Variants in ANTXR1 observed in about 807,000 individuals in gnomAD.
ANTXR1 encodes anthrax toxin receptor 1.
Under a neutral mutation model 78.1 loss-of-function variants are expected in ANTXR1, and 19 were observed. The observed-to-expected ratio is 0.24, with a 90% confidence interval of 0.17 to 0.36. The LOEUF (loss-of-function observed/expected upper bound fraction) is 0.36. Among genes scored for constraint, ANTXR1 ranks in the 10% least tolerant of loss-of-function variants. ANTXR1 has a pLI of 1.00. For missense variants in ANTXR1, 518 were observed against 718.6 expected (o/e 0.72, Z 3.19); for synonymous variants, 273 against 260.5 (o/e 1.05, Z -0.46).
intron 17 of ANTXR1, among the ~76,000 whole-genome samples, chr2:69,212,264 G>A (rs1675060922): frequency 6.6e-6 from 1 of 152,208 alleles, no homozygotes; most frequent in East Asian, 1.9e-4. Flanking sequence ...AAACCAGGGA[G>A]GTGACAGTGG....
At chr2:69,090,182 C>T (rs1260873258) in intron 8 of ANTXR1, among the ~76,000 whole-genome samples, 1 of 151,968 alleles carries the variant, frequency 6.6e-6, no homozygotes. Context: ...AACTCTTGGT[C>T]ATCTGACTAT....
At chr2:69,038,553 T>C (rs182267601) in intron 1 of ANTXR1, among the ~76,000 whole-genome samples, 7 of 152,366 alleles carry the variant, frequency 4.6e-5, no homozygotes, top group Admixed American at 3.3e-4. Context: ...CCATGTGTTC[T>C]CCACATAAAA....
At chr2:69,038,243 C>A (rs1669506090) in intron 1 of ANTXR1, among the ~76,000 whole-genome samples, 1 of 152,142 alleles carries the variant, frequency 6.6e-6, no homozygotes, top group South Asian at 2.1e-4. Context: ...CATTTCTTAG[C>A]CATCTCTGCA....
intron 13 of ANTXR1, among the ~76,000 whole-genome samples, chr2:69,163,648 G>C (rs914634309): frequency 1.3e-5 from 2 of 152,186 alleles, no homozygotes; most frequent in Non-Finnish European, 2.9e-5. Flanking sequence ...CCTATTGACA[G>C]TGCTATGTAA....
intron 9 of ANTXR1, among the ~76,000 whole-genome samples, chr2:69,097,037 T>G (rs1274331007): frequency 6.6e-6 from 1 of 152,260 alleles, no homozygotes; most frequent in East Asian, 1.9e-4. Flanking sequence ...CAATATAGAC[T>G]CTTTTTTAAA....
chr2:69,129,309 AGG>A (rs1672648557), intron 12 of ANTXR1, among the ~76,000 whole-genome samples: 1 of 152,230 alleles, frequency 6.6e-6, no homozygotes, highest in Non-Finnish European at 1.5e-5. Context: ...GTTTTCTTTT[AGG>A]TACTTAAAAA....
At chr2:69,167,247 A>G (rs1185583537) in intron 13 of ANTXR1, among the ~76,000 whole-genome samples, 2 of 152,236 alleles carry the variant, frequency 1.3e-5, no homozygotes, top group African/African-American at 2.4e-5. Context: ...AGCCATGGGA[A>G]GCCATTAGCA....
intron 8 of ANTXR1, among the ~76,000 whole-genome samples, chr2:69,083,415 C>A (rs1398238437): frequency 6.6e-6 from 1 of 152,174 alleles, no homozygotes; most frequent in African/African-American, 2.4e-5. Flanking sequence ...TCCAAAGGCA[C>A]CCTTCAGTCT....
At chr2:69,100,161 G>A (rs927858738) in intron 9 of ANTXR1, among the ~76,000 whole-genome samples, 4 of 152,178 alleles carry the variant, frequency 2.6e-5, no homozygotes, top group Non-Finnish European at 4.4e-5. Context: ...TAGATTAGTG[G>A]AGTTAAATCA....
At chr2:69,073,322 T>C (rs112979831) in intron 6 of ANTXR1, among the ~76,000 whole-genome samples, 2 of 152,354 alleles carry the variant, frequency 1.3e-5, no homozygotes, top group African/African-American at 4.8e-5. Flanking sequence ...AATTTTTACA[T>C]ATTACTCTGC....
intron 17 of ANTXR1, among the ~76,000 whole-genome samples, chr2:69,231,363 G>T (rs1329621269): frequency 6.6e-6 from 1 of 152,078 alleles, no homozygotes; most frequent in East Asian, 1.9e-4. Flanking sequence ...TAGTCCATCA[G>T]GCAATGACTA....
chr2:69,216,403 A>G (rs148757617), intron 17 of ANTXR1, among the ~76,000 whole-genome samples: 1 of 152,322 alleles, frequency 6.6e-6, no homozygotes, highest in African/African-American at 2.4e-5. Context: ...ATTAATACAT[A>G]CATACACACA....
At chr2:69,020,131 C>T (rs1671142023) in intron 1 of ANTXR1, among the ~76,000 whole-genome samples, 1 of 152,030 alleles carries the variant, frequency 6.6e-6, no homozygotes, top group Non-Finnish European at 1.5e-5. Context: ...GTATTTCTGT[C>T]TTTAGGTCTT....
At position 69,187,941 on chromosome 2, in the gene ANTXR1, T is replaced by A. The variant is rs564990896; in HGVS notation, c.1353+5281T>A. Among the ~76,000 whole-genome samples the A allele has an allele frequency of 2.0e-5, 3 of 147,642 alleles. No homozygotes were observed. The East Asian group carries it at 6.0e-4, about 29-fold the overall frequency. On this transcript the variant is annotated intron_variant, in intron 16 of 17. Transcript: ENST00000303714. Reference sequence around the variant, plus strand: ...CAGGTGTCAGTTTATAGTGGCCTTATAAGTTGAACTACTCTCAGAATTCTC... The same window carrying A: ...CAGGTGTCAGTTTATAGTGGCCTTAAAAGTTGAACTACTCTCAGAATTCTC...
chr2:69,022,297 G>T (rs1671214524), intron 1 of ANTXR1, among the ~76,000 whole-genome samples: 1 of 152,140 alleles, frequency 6.6e-6, no homozygotes, highest in African/African-American at 2.4e-5. Flanking sequence ...ATGGGACGGT[G>T]TTTCATTGTG....
At chr2:69,192,323 G>C (rs879333854) in intron 16 of ANTXR1, among the ~76,000 whole-genome samples, 1 of 152,184 alleles carries the variant, frequency 6.6e-6, no homozygotes, top group Non-Finnish European at 1.5e-5. Flanking sequence ...CTCTAGAGGA[G>C]AATTTATTTC....
intron 13 of ANTXR1, among the ~76,000 whole-genome samples, chr2:69,158,444 T>A (rs1673587705): frequency 6.6e-6 from 1 of 152,220 alleles, no homozygotes; most frequent in Non-Finnish European, 1.5e-5. Flanking sequence ...CTCACTTGGT[T>A]TCCATGGCGT....
chr2:69,039,758 T>C (rs1411548556), intron 1 of ANTXR1, among the ~76,000 whole-genome samples: 2 of 152,192 alleles, frequency 1.3e-5, no homozygotes, highest in East Asian at 3.9e-4. Flanking sequence ...GTGAATCTCT[T>C]TGGGCCCAGC....
At chr2:69,080,698 C>T (rs993338242) in intron 8 of ANTXR1, among the ~76,000 whole-genome samples, 1 of 151,882 alleles carries the variant, frequency 6.6e-6, no homozygotes, top group Non-Finnish European at 1.5e-5. Flanking sequence ...ATTGTGATAA[C>T]AGGAATAAAA....
Sources: gnomAD v4.1 joint callset for allele counts (sites outside exome capture counted in the v4.1 genomes callset) on GRCh38, gnomAD v4.1.1 for gene constraint, MANE v1.5 for transcripts, NCBI Gene and HGNC (gene_info 2026-07-23, HGNC 2026-07-21) for gene names.